The following UNC93A variants were observed in gnomAD, a reference collection of about 807,000 sequenced individuals.
UNC93A encodes unc-93 homolog A.
Under a neutral mutation model 47.5 loss-of-function variants are expected in UNC93A, and 43 were observed. That is an observed-to-expected ratio of 0.91 (90% CI 0.71 to 1.17). The LOEUF (loss-of-function observed/expected upper bound fraction) is 1.17. Among genes scored for constraint, UNC93A ranks in the 50% most tolerant of loss-of-function variants. UNC93A has a pLI of 0.00. For synonymous variants in UNC93A, 280 were observed against 258.0 expected, an observed-to-expected ratio of 1.09 and a Z score of -0.82; for missense variants, 605 against 577.6, an observed-to-expected ratio of 1.05 and a Z score of -0.49.
At chr6:167,276,985 C>A (rs1408265241) in intron 1 of UNC93A, among the ~76,000 whole-genome samples, 1 of 152,260 alleles carries the variant, frequency 6.6e-6, no homozygotes, top group South Asian at 2.1e-4. Context: ...CAGGGAGCCA[C>A]ACAGACAACG....
chr6:167,295,152 C>T (rs113040862), intron 2 of UNC93A, among the ~76,000 whole-genome samples: 23 of 152,268 alleles, frequency 1.5e-4, no homozygotes, highest in African/African-American at 5.5e-4. Context: ...CCACCCTGCT[C>T]CCTGGTGAGA....
intron 1 of UNC93A, among the ~76,000 whole-genome samples, chr6:167,278,498 A>G (rs1226365125): frequency 2.0e-5 from 3 of 152,216 alleles, no homozygotes; most frequent in African/African-American, 4.8e-5. Context: ...CTCACCTGAC[A>G]ATCAGGAAGA....
chr6:167,285,931 G>C (rs1321031914), intron 1 of UNC93A, among the ~76,000 whole-genome samples: 2 of 126,398 alleles, frequency 1.6e-5, no homozygotes, highest in East Asian at 4.6e-4. Flanking sequence ...TGAAGAGTTA[G>C]TTTTCTTTCT....
chr6:167,289,940 G>C (rs936048618), upstream of UNC93A, among the ~76,000 whole-genome samples: 2 of 152,174 alleles, frequency 1.3e-5, no homozygotes, highest in African/African-American at 4.8e-5. Context: ...TATCATCTTA[G>C]TCAATTAACA....
intron 1 of UNC93A, among the ~76,000 whole-genome samples, chr6:167,283,267 A>G (rs59227187): frequency 0.019 from 2,921 of 152,282 alleles, 104 homozygotes; most frequent in African/African-American, 0.067. Context: ...GTGATGCTAT[A>G]ATAGAGTTAG....
chr6:167,295,749 C>T (rs555875551), intron 2 of UNC93A, among the ~76,000 whole-genome samples: 3 of 152,064 alleles, frequency 2.0e-5, no homozygotes, highest in East Asian at 1.9e-4. Flanking sequence ...TCGCCTCCCT[C>T]GTGCTCCTCA....
chr6:167,270,208 T>A (rs1031343618), upstream of UNC93A, among the ~76,000 whole-genome samples: 3 of 152,128 alleles, frequency 2.0e-5, no homozygotes, highest in Admixed American at 1.3e-4. Flanking sequence ...TCATTTTGCA[T>A]CTCTCTTTTT....
Position 167,291,481 on chromosome 6 carries a change from T to G in UNC93A, c.-9T>G. The G allele has an allele frequency of 1.2e-6, 2 of 1,609,270 alleles. No homozygotes were observed. Among genetic ancestry groups the G allele is most frequent in the Non-Finnish European group, 1.7e-6 (2 of 1,178,774 alleles). On this transcript the variant is annotated 5_prime_UTR_variant, in exon 1 of 8. Transcript: ENST00000230256. ...TGTTCACTGGTGATTGATCTTTTCA[T>G]CCAGCACAATGGACAGAAGTCTAAG...
chr6:167,281,684 G>T (rs1409186231), intron 1 of UNC93A, among the ~76,000 whole-genome samples: 13 of 152,156 alleles, frequency 8.5e-5, no homozygotes, highest in Admixed American at 8.5e-4. Flanking sequence ...CTGTCAAAAA[G>T]GTGAGAGGGG....
chr6:167,314,129 A>G (rs899956340), intron 7 of UNC93A, among the ~76,000 whole-genome samples: 7 of 152,174 alleles, frequency 4.6e-5, no homozygotes, highest in Non-Finnish European at 8.8e-5. Context: ...AAACTCATTA[A>G]CACATTTAGT....
At chr6:167,278,299 C>T (rs1178459996) in intron 1 of UNC93A, among the ~76,000 whole-genome samples, 4 of 152,128 alleles carry the variant, frequency 2.6e-5, no homozygotes, top group African/African-American at 4.8e-5. Flanking sequence ...AGTCAGTAGC[C>T]GAAGAGGACA....
In UNC93A at chr6:167,280,367, A is replaced by G. The variant is rs138773237; in HGVS notation, c.-52+8909A>G. ...GCTTTCAAGGGAAAATGCTAAATTC[A>G]TTTCAATAACATATGAATTACTTGC... On this transcript the variant is annotated intron_variant, in intron 1 of 3. Transcript: ENST00000503433. Among the ~76,000 whole-genome samples, 33 of 152,282 alleles carry G rather than the reference A, an allele frequency of 2.2e-4. 1 individual carries two copies. Among genetic ancestry groups the G allele is most frequent in the Middle Eastern group, 3.4e-3 (1 of 294 alleles).
intron 1 of UNC93A, among the ~76,000 whole-genome samples, chr6:167,284,074 A>G (rs1186141694): frequency 1.3e-5 from 2 of 152,186 alleles, no homozygotes; most frequent in African/African-American, 2.4e-5. Context: ...AATGCAAACA[A>G]GTGCGAAACC....
chr6:167,276,983 C>T (rs1331051703), intron 1 of UNC93A, among the ~76,000 whole-genome samples: 4 of 152,228 alleles, frequency 2.6e-5, no homozygotes, highest in Non-Finnish European at 5.9e-5. Flanking sequence ...AGCAGGGAGC[C>T]ACACAGACAA....
At chr6:167,270,063 T>TGGGGGG (rs1247578866), upstream of UNC93A, among the ~76,000 whole-genome samples, 2 of 14,956 alleles carry the variant, frequency 1.3e-4, no homozygotes, top group Non-Finnish European at 2.3e-4. Context: ...GGGGTGGGGG[T>TGGGGGG]GGGGGGGGGG....
intron 1 of UNC93A, among the ~76,000 whole-genome samples, chr6:167,293,837 C>G (rs758971985): frequency 6.6e-6 from 1 of 152,200 alleles, no homozygotes; most frequent in Non-Finnish European, 1.5e-5. Context: ...TCTCATTCAG[C>G]TCTCAACTTG....
At chr6:167,276,557 C>T (rs1783546505) in intron 1 of UNC93A, among the ~76,000 whole-genome samples, 1 of 152,136 alleles carries the variant, frequency 6.6e-6, no homozygotes, top group African/African-American at 2.4e-5. Context: ...GTTTAGGTGA[C>T]CTGCTCGAGG....
upstream of UNC93A, among the ~76,000 whole-genome samples, chr6:167,288,936 A>G (rs898992443): frequency 4.6e-5 from 7 of 152,294 alleles, no homozygotes; most frequent in African/African-American, 1.2e-4. Flanking sequence ...AGTGACCTGC[A>G]GATTCGAGCA....
intron 3 of UNC93A, 66 bp downstream of exon 3, chr6:167,296,327 G>T (rs948192251): frequency 6.5e-7 from 1 of 1,542,180 alleles, no homozygotes; most frequent in Non-Finnish European, 8.9e-7. Flanking sequence ...GGGGGAGAGG[G>T]TTCCTGATTT....
Sources: gnomAD v4.1 joint callset for allele counts (sites outside exome capture counted in the v4.1 genomes callset) on GRCh38, gnomAD v4.1.1 for gene constraint, MANE v1.5 for transcripts, NCBI Gene and HGNC (gene_info 2026-07-23, HGNC 2026-07-21) for gene names.